AFF2: variants seen among roughly 807,000 people sequenced by gnomAD.
AFF2 encodes the protein ALF transcription elongation factor 2.
AFF2 carries 14 observed loss-of-function variants against 76.9 expected under a neutral mutation model. The ratio of observed to expected loss-of-function variants is 0.18; its 90% CI spans 0.12 to 0.28. AFF2 has a LOEUF of 0.28. Ranked by LOEUF, AFF2 falls within the 10% of genes least tolerant of loss-of-function variation. The probability of loss-of-function intolerance (pLI) is 1.00; values close to 1 mark genes in which losing one functional copy is unlikely to be tolerated. For missense variants in AFF2, 868 were observed against 1,001.1 expected (o/e 0.87, Z 1.79); for synonymous variants, 398 against 366.7 (o/e 1.09, Z -0.98).
In AFF2 at chrX:148,661,900, T is replaced by C. The variant is rs782121190; in HGVS notation, c.181-8T>C. On this transcript the variant is annotated splice_region_variant and splice_polypyrimidine_tract_variant and intron_variant, in intron 2 of 20. Transcript: ENST00000370460. ...TCTCCTCCCACCCCCATCTTTTTGT[T>C]ATTTTAGACAAACAAAGGTGATGCA... 2.3e-5 allele frequency: 27 copies of C among 1,177,902 alleles called. No individual in the cohort carries two copies. The highest frequency in any genetic ancestry group is 3.1e-5 in the Non-Finnish European group (27 of 879,423).
At chrX:148,983,965 A>AAAAAAAAAAAAAAAAAAAACAAAAAAAC (rs1438744109) in intron 19 of AFF2, among the ~76,000 whole-genome samples, 2 of 99,781 alleles carry the variant, frequency 2.0e-5, no homozygotes, top group African/African-American at 7.7e-5. Context: ...AAAAAAAAAA[A>AAAAAAAAAAAAAAAAAAAACAAAAAAAC]AAACTGCCCT....
At chrX:148,555,206 C>T (rs1178702752) in intron 1 of AFF2, among the ~76,000 whole-genome samples, 11 of 111,899 alleles carry the variant, frequency 9.8e-5, no homozygotes, top group African/African-American at 3.2e-4. Context: ...TGCTCACTAG[C>T]CTATATTGTG....
chrX:148,629,162 G>A (rs1013377677), intron 1 of AFF2, among the ~76,000 whole-genome samples: 1 of 109,780 alleles, frequency 9.1e-6, no homozygotes, highest in Non-Finnish European at 1.9e-5. Flanking sequence ...AAGGAATAGG[G>A]AGAAGATGAT....
chrX:148,503,148 T>C (rs1557232081), intron 1 of AFF2, among the ~76,000 whole-genome samples: 1 of 112,619 alleles, frequency 8.9e-6, no homozygotes, highest in Non-Finnish European at 1.9e-5. Flanking sequence ...AAATTTCTCC[T>C]TCTTACTGCT....
chrX:148,791,715 A>G (rs951653796), intron 3 of AFF2, among the ~76,000 whole-genome samples: 10 of 112,085 alleles, frequency 8.9e-5, no homozygotes, highest in South Asian at 3.7e-4. Context: ...AAAATAGCCA[A>G]TTGAGCTCCA....
At chrX:148,560,013 T>A (rs1323686693) in intron 1 of AFF2, among the ~76,000 whole-genome samples, 2 of 112,423 alleles carry the variant, frequency 1.8e-5, no homozygotes, top group Non-Finnish European at 1.9e-5. Flanking sequence ...TTATTTGCAT[T>A]TCTCTAATGA....
rs1244894667 is a variant in AFF2 at position 148,872,570 on chromosome X, T to C, written c.1263-13319T>C. 3.6e-5 allele frequency among the ~76,000 whole-genome samples: 4 copies of C among 112,369 alleles called. No individual in the cohort carries two copies. In the East Asian group the frequency reaches 1.1e-3, roughly 32 times the overall value. On this transcript the variant is annotated intron_variant, in intron 7 of 20. Coordinates refer to ENST00000370460, the MANE Select transcript of AFF2 (RefSeq NM_002025.4). ...TTTCTACTTTATGTCTATTCCGCGA[T>C]GGTTAATGATGTTGAGCATCTTTTC...
At position 148,728,126 on chromosome X, in the gene AFF2, C is replaced by G. The variant is rs782783432; in HGVS notation, c.1041+65358C>G. 9.8e-5 allele frequency among the ~76,000 whole-genome samples: 11 copies of G among 112,340 alleles called. No individual in the cohort carries two copies. The East Asian group carries it at 3.1e-3, about 32-fold the overall frequency. On this transcript the variant is annotated intron_variant, in intron 3 of 20. Coordinates refer to ENST00000370460, the MANE Select transcript of AFF2 (RefSeq NM_002025.4). ...TTGGGCGTGGCATGCAATTCTCACT[C>G]CAAAAAGAGCTGCTGCCACAGCGTC... is the stretch of plus-strand genomic sequence containing the variant.
chrX:148,909,457 C>G (rs1603338808), intron 9 of AFF2, among the ~76,000 whole-genome samples: 1 of 111,872 alleles, frequency 8.9e-6, no homozygotes, highest in African/African-American at 3.2e-5. Context: ...TTGCCTCCCT[C>G]CCCTATTTCT....
chrX:148,579,463 C>T (rs140605404), intron 1 of AFF2, among the ~76,000 whole-genome samples: 1,086 of 89,098 alleles, frequency 0.012, 15 homozygotes, highest in African/African-American at 0.039. Context: ...CTTTTATCAG[C>T]AGCATGTATA....
chrX:148,668,220 T>G (rs192150509), intron 3 of AFF2, among the ~76,000 whole-genome samples: 1 of 113,420 alleles, frequency 8.8e-6, no homozygotes, highest in African/African-American at 3.2e-5. Flanking sequence ...TCCCATGGTC[T>G]TGGACAGCTC....
At chrX:148,991,173 C>A in intron 20 of AFF2, 38 bp from the exon 21 acceptor site, 1 of 1,151,438 alleles carries the variant, frequency 8.7e-7, no homozygotes, top group South Asian at 2.1e-5. Flanking sequence ...TTCATGATAT[C>A]ATATAAAGGC....
chrX:148,534,747 G>A (rs1252286653), intron 1 of AFF2, among the ~76,000 whole-genome samples: 1 of 112,604 alleles, frequency 8.9e-6, no homozygotes, highest in East Asian at 2.8e-4. Flanking sequence ...GCAAGTAATA[G>A]AAGATGTCTG....
At chrX:148,670,018 C>A (rs1020367043) in intron 3 of AFF2, among the ~76,000 whole-genome samples, 4 of 111,727 alleles carry the variant, frequency 3.6e-5, no homozygotes, top group African/African-American at 9.8e-5. Flanking sequence ...TCTTCCAACT[C>A]ACTGGTCTCA....
intron 4 of AFF2, among the ~76,000 whole-genome samples, chrX:148,835,304 T>C (rs1431415912): frequency 1.8e-5 from 2 of 111,365 alleles, no homozygotes; most frequent in Non-Finnish European, 3.8e-5. Context: ...TGGAAGAGAC[T>C]TACCTGCTGT....
intron 1 of AFF2, among the ~76,000 whole-genome samples, chrX:148,525,797 C>G (rs1428042313): frequency 8.9e-6 from 1 of 111,881 alleles, no homozygotes; most frequent in Non-Finnish European, 1.9e-5. Flanking sequence ...AGATGGAAAA[C>G]AACATTTGAT....
At chrX:148,752,443 G>A (rs1557266555) in intron 3 of AFF2, among the ~76,000 whole-genome samples, 1 of 111,586 alleles carries the variant, frequency 9.0e-6, no homozygotes, top group Non-Finnish European at 1.9e-5. Context: ...AACCACTGGG[G>A]AATCAAACAA....
chrX:148,896,659 C>A (rs1292307400), intron 8 of AFF2, among the ~76,000 whole-genome samples: 7 of 110,680 alleles, frequency 6.3e-5, no homozygotes, highest in Non-Finnish European at 1.3e-4. Flanking sequence ...TTATATTGTC[C>A]CTTCCAGCCA....
chrX:148,648,963 A>G lies in AFF2; in HGVS notation c.48-3036A>G, dbSNP rs367768530. On this transcript the variant is annotated intron_variant, in intron 1 of 20. Transcript: ENST00000370460. ...GTTTTCATGCTGATTGATAGGATCAATTCATCCTGTCTTCATCACAGAATA... is the reference window on the plus strand; with the variant it reads ...GTTTTCATGCTGATTGATAGGATCAGTTCATCCTGTCTTCATCACAGAATA... 1.1e-4 allele frequency among the ~76,000 whole-genome samples: 12 copies of G among 112,115 alleles called. No individual in the cohort carries two copies. The East Asian group carries it at 3.1e-3, about 29-fold the overall frequency.
Sources: gnomAD v4.1 joint callset for allele counts (sites outside exome capture counted in the v4.1 genomes callset) on GRCh38, gnomAD v4.1.1 for gene constraint, MANE v1.5 for transcripts, NCBI Gene and HGNC (gene_info 2026-07-23, HGNC 2026-07-21) for gene names.